CCDC102B: variants seen among roughly 807,000 people sequenced by gnomAD.
The protein encoded by CCDC102B is coiled-coil domain containing 102B.
Under a neutral mutation model 57.4 loss-of-function variants are expected in CCDC102B, and 75 were observed. The ratio of observed to expected loss-of-function variants is 1.31; its 90% CI spans 1.08 to 1.58. The LOEUF is 1.58. Among genes scored for constraint, CCDC102B ranks in the 40% most tolerant of loss-of-function variants. CCDC102B has a pLI of 0.00. For synonymous variants in CCDC102B, 206 were observed against 201.9 expected (o/e 1.02, Z -0.17); for missense variants, 636 against 582.6 (o/e 1.09, Z -0.94).
chr18:69,032,171 A>T (rs977220308), intron 7 of CCDC102B, among the ~76,000 whole-genome samples: 2 of 152,152 alleles, frequency 1.3e-5, no homozygotes, highest in African/African-American at 2.4e-5. Flanking sequence ...CCAGACAAAG[A>T]GGCACATAGC....
At chr18:68,807,532 C>G (rs182862621) in intron 1 of CCDC102B, among the ~76,000 whole-genome samples, 64 of 152,198 alleles carry the variant, frequency 4.2e-4, no homozygotes, top group Middle Eastern at 3.4e-3. Context: ...ACCAAGCAAG[C>G]TTTGAGAAAT....
chr18:69,037,030 CA>C (rs2052313631), intron 7 of CCDC102B, among the ~76,000 whole-genome samples: 2 of 4,290 alleles, frequency 4.7e-4, no homozygotes, highest in African/African-American at 1.0e-3. Context: ...TGTATATATA[CA>C]CACACACACA....
At chr18:68,912,330 C>T (rs1020962303) in intron 6 of CCDC102B, among the ~76,000 whole-genome samples, 16 of 152,310 alleles carry the variant, frequency 1.1e-4, no homozygotes, top group Admixed American at 3.3e-4. Flanking sequence ...GAAAAACATA[C>T]ATTAAAACAT....
At chr18:68,845,029 A>G (rs1003506903) in intron 3 of CCDC102B, among the ~76,000 whole-genome samples, 1 of 151,812 alleles carries the variant, frequency 6.6e-6, no homozygotes, top group Non-Finnish European at 1.5e-5. Context: ...TTTGCAACCT[A>G]TGTCTTTTGA....
intron 5 of CCDC102B, among the ~76,000 whole-genome samples, chr18:68,887,955 T>C (rs756702545): frequency 2.5e-4 from 38 of 152,198 alleles, no homozygotes; most frequent in Admixed American, 1.9e-3. Flanking sequence ...TTTTTACTTA[T>C]GTAGCACTCA....
rs115655822 is a variant in CCDC102B, at chr18:68,841,985, C to A, written c.827+3059C>A. ...AACTCCTGGCCTCAAGTGATCTAAC[C>A]GCCTTGGCTTCCCAAAGTGCTAGGA... is the stretch of plus-strand genomic sequence containing the variant. On this transcript the variant is annotated intron_variant, in intron 3 of 7. Coordinates refer to ENST00000360242, the MANE Select transcript of CCDC102B (RefSeq NM_024781.3). Among the ~76,000 whole-genome samples the A allele has an allele frequency of 7.9e-3, 1,207 of 152,130 alleles. 17 individuals are homozygous for A. The highest frequency in any genetic ancestry group is 0.028 in the African/African-American group (1,146 of 41,524).
intron 2 of CCDC102B, among the ~76,000 whole-genome samples, chr18:68,717,765 C>T (rs2032103365): frequency 6.6e-6 from 1 of 152,092 alleles, no homozygotes; most frequent in South Asian, 2.1e-4. Flanking sequence ...AAAAGACTTT[C>T]AGATAAGCTA....
intron 1 of CCDC102B, among the ~76,000 whole-genome samples, chr18:68,806,029 C>T (rs1211486519): frequency 6.6e-6 from 1 of 151,948 alleles, no homozygotes; most frequent in Non-Finnish European, 1.5e-5. Flanking sequence ...ACAAAGAAGC[C>T]TTCAAATACA....
intron 2 of CCDC102B, among the ~76,000 whole-genome samples, chr18:68,759,986 A>T (rs2034201067): frequency 6.6e-6 from 1 of 152,082 alleles, no homozygotes; most frequent in Non-Finnish European, 1.5e-5. Flanking sequence ...AGGCACAGTT[A>T]TCTCACCCCA....
In CCDC102B at chr18:68,874,724, T is replaced by C; in HGVS notation, c.992T>C (p.Ile331Thr). 6.2e-7 allele frequency: 1 copy of C among 1,612,454 alleles called. No homozygotes were observed. Among genetic ancestry groups the C allele is most frequent in the Non-Finnish European group, 8.5e-7 (1 of 1,178,874 alleles). ...NDEMQELSGN[I>T]KEESKSQNSK... ...GAAATGCAAGAACTGTCAGGCAATATAAAGGAAGAATCCAAATCTCAAAAC... is the reference window on the plus strand; with the variant it reads ...GAAATGCAAGAACTGTCAGGCAATACAAAGGAAGAATCCAAATCTCAAAAC... The change falls in exon 5 of 8, where the codon ATA (isoleucine) becomes ACA (threonine). Residue 331 changes from isoleucine (I) to threonine (T), a missense_variant. By Grantham distance (89) the Ile-to-Thr change is moderately conservative. Coordinates refer to ENST00000360242, the MANE Select transcript of CCDC102B (RefSeq NM_024781.3).
chr18:68,835,205 G>T (rs1233023978), intron 1 of CCDC102B, among the ~76,000 whole-genome samples: 1 of 152,006 alleles, frequency 6.6e-6, no homozygotes, highest in Admixed American at 6.6e-5. Flanking sequence ...TTTGTGTGTT[G>T]GTATTTGTAT....
chr18:69,039,475 C>T (rs775156217), intron 7 of CCDC102B, among the ~76,000 whole-genome samples: 1 of 151,836 alleles, frequency 6.6e-6, no homozygotes, highest in Non-Finnish European at 1.5e-5. Context: ...AAGTTTTCTG[C>T]ATCTCTGAAT....
chr18:68,847,613 G>A (rs2037931819), intron 4 of CCDC102B, among the ~76,000 whole-genome samples: 1 of 151,784 alleles, frequency 6.6e-6, no homozygotes, highest in African/African-American at 2.4e-5. Context: ...ATTCAAATAT[G>A]ACTTTTGGTA....
In CCDC102B at chr18:69,011,052, T is replaced by C; in HGVS notation, c.1382T>C (p.Leu461Pro). The C allele has an allele frequency of 6.2e-7, 1 of 1,613,792 alleles. No individual in the cohort carries two copies. The highest frequency in any genetic ancestry group is 2.2e-5 in the East Asian group (1 of 44,830). ...VDQNEAEVKK[L>P]RLRVEELKQG... ...CAAAATGAAGCAGAAGTAAAGAAAC[T>C]AAGATTACGAGTGGAAGAACTAAAG... Residue 461 changes from leucine (L) to proline (P), a missense_variant, in exon 7 of 8, where the codon CTA (leucine) becomes CCA (proline). Coordinates refer to ENST00000360242, the MANE Select transcript of CCDC102B (RefSeq NM_024781.3).
At position 68,837,287 on chromosome 18, in the gene CCDC102B, A is replaced by G. The variant is rs754178944; in HGVS notation, c.524A>G (p.Gln175Arg). The change falls in exon 2 of 8, where the codon CAA becomes CGA. Residue 175 changes from glutamine to arginine, a missense_variant. Coordinates refer to ENST00000360242, the MANE Select transcript of CCDC102B (RefSeq NM_024781.3). Reference sequence around the variant, plus strand: ...TCCTGTGAACATACAGACCAATTTCAATTGAGTTCACAAATGCATGAGTCT... The same window carrying G: ...TCCTGTGAACATACAGACCAATTTCGATTGAGTTCACAAATGCATGAGTCT... ...EESCEHTDQF[Q>R]LSSQMHESIR... The G allele has an allele frequency of 1.2e-6, 2 of 1,613,982 alleles. No individual in the cohort carries two copies. Among genetic ancestry groups the G allele is most frequent in the East Asian group, 2.2e-5 (1 of 44,882 alleles).
intron 5 of CCDC102B, among the ~76,000 whole-genome samples, chr18:68,889,189 G>T (rs1326158158): frequency 6.6e-6 from 1 of 152,158 alleles, no homozygotes; most frequent in Non-Finnish European, 1.5e-5. Flanking sequence ...GATAGTTTTA[G>T]AAGGTGGGAT....
At chr18:68,955,887 T>A (rs553590997) in intron 6 of CCDC102B, among the ~76,000 whole-genome samples, 1 of 152,190 alleles carries the variant, frequency 6.6e-6, no homozygotes, top group South Asian at 2.1e-4. Flanking sequence ...ATCAGCTCAA[T>A]TATTTATCCT....
At chr18:69,037,679 C>T (rs2145462521) in intron 7 of CCDC102B, among the ~76,000 whole-genome samples, 1 of 152,080 alleles carries the variant, frequency 6.6e-6, no homozygotes, top group South Asian at 2.1e-4. Context: ...AAAACAAACA[C>T]CACTGCCAAT....
intron 1 of CCDC102B, among the ~76,000 whole-genome samples, chr18:68,804,864 C>CTTTTTTTT (rs202008892): frequency 7.1e-6 from 1 of 140,836 alleles, no homozygotes; most frequent in Non-Finnish European, 1.6e-5. Context: ...GGATCAAAAT[C>CTTTTTTTT]TTTTTTTTTT....
Sources: gnomAD v4.1 joint callset for allele counts (sites outside exome capture counted in the v4.1 genomes callset) on GRCh38, gnomAD v4.1.1 for gene constraint, MANE v1.5 for transcripts, NCBI Gene and HGNC (gene_info 2026-07-23, HGNC 2026-07-21) for gene names.